The following MYO6 variants were observed in gnomAD, a reference collection of about 807,000 sequenced individuals.
MYO6 encodes the protein unconventional myosin-VI.
In MYO6, 74 loss-of-function variants were observed where a neutral mutation model predicts 178.7. The ratio of observed to expected loss-of-function variants is 0.41; its 90% CI spans 0.34 to 0.50. MYO6 has a LOEUF of 0.50. Among genes scored for constraint, MYO6 ranks in the 20% least tolerant of loss-of-function variants. The probability of loss-of-function intolerance (pLI) is 0.09; values close to 1 mark genes in which losing one functional copy is unlikely to be tolerated. For missense variants in MYO6, 1,330 were observed against 1,547.4 expected, an observed-to-expected ratio of 0.86 and a Z score of 2.36; for synonymous variants, 477 against 504.6, an observed-to-expected ratio of 0.95 and a Z score of 0.73.
chr6:75,849,137 C>A (rs924098631), intron 11 of MYO6, among the ~76,000 whole-genome samples: 1 of 152,116 alleles, frequency 6.6e-6, no homozygotes, highest in African/African-American at 2.4e-5. Flanking sequence ...TGAACCACAG[C>A]CCAAATTTGA....
chr6:75,829,056 A>G (rs2150207889), intron 4 of MYO6, among the ~76,000 whole-genome samples: 1 of 152,294 alleles, frequency 6.6e-6, no homozygotes, highest in East Asian at 1.9e-4. Flanking sequence ...GAATGAGGAA[A>G]AAAATGTAAA....
intron 2 of MYO6, among the ~76,000 whole-genome samples, chr6:75,819,065 T>G (rs906098899): frequency 6.6e-6 from 1 of 152,214 alleles, no homozygotes; most frequent in Non-Finnish European, 1.5e-5. Context: ...AGAAACTTGA[T>G]TTAAGTGGAT....
At position 75,867,039 on chromosome 6, in the gene MYO6, T is replaced by C. The variant is rs764502582; in HGVS notation, c.1878T>C (p.Asn626=). The change falls in exon 18 of 35, where the codon AAT becomes AAC. Residue 626 remains asparagine (N), a synonymous_variant. Transcript: ENST00000369977. ...GGGAATTATTTGAATCATCCACAAA[T>C]AACAACAAAGATACTAAACAAAAAG... ...FIRELFESST[N]NNKDTKQKAG... is the part of the protein sequence containing the mutation. The C allele has an allele frequency of 6.2e-7, 1 of 1,613,910 alleles. No homozygotes were observed. Among genetic ancestry groups the C allele is most frequent in the Non-Finnish European group, 8.5e-7 (1 of 1,179,894 alleles).
rs1781036357 is a variant in MYO6 at position 75,914,919 on chromosome 6, C to CT, written c.3766dup (p.Cys1256LeufsTer12). ...GACAGTTTGAAGAAATCTGGGAACG[C>CT]TGTGGAGGCATCCAGTACCTTCAGA... On this transcript the variant is annotated frameshift_variant, in exon 35 of 35. Transcript: ENST00000369977. LOFTEE classifies it high-confidence loss of function. 1.2e-6 allele frequency: 2 copies of CT among 1,613,992 alleles called. No individual in the cohort carries two copies. The highest frequency in any genetic ancestry group is 2.7e-5 in the African/African-American group (2 of 74,908).
intron 18 of MYO6, 146 bp downstream of exon 18, chr6:75,867,251 A>C: frequency 1.5e-6 from 1 of 664,738 alleles, no homozygotes; most frequent in Non-Finnish European, 2.5e-6. Context: ...TGTATGTAAA[A>C]TATCATAATG....
At position 75,899,736 on chromosome 6, in the gene MYO6, A is replaced by T. The variant is rs9689890; in HGVS notation, c.3176+1325A>T. ...TTTTTTTCTTCTGGAACATTTTTTT[A>T]AAAAAATTATTATTATACTTTAAGT... On this transcript the variant is annotated intron_variant, in intron 30 of 34. Coordinates refer to ENST00000369977, the MANE Select transcript of MYO6 (RefSeq NM_004999.4). Among the ~76,000 whole-genome samples the T allele has an allele frequency of 8.0e-4, 120 of 149,368 alleles. 1 individual carries two copies. Among genetic ancestry groups the T allele is most frequent in the African/African-American group, 2.0e-3 (80 of 40,204 alleles).
At chr6:75,840,382 C>T (rs934968830) in intron 7 of MYO6, among the ~76,000 whole-genome samples, 2 of 151,902 alleles carry the variant, frequency 1.3e-5, no homozygotes, top group African/African-American at 2.4e-5. Flanking sequence ...AGGTTGGTCT[C>T]GAACTCCTGA....
At chr6:75,842,006 T>C (rs907743882) in intron 9 of MYO6, among the ~76,000 whole-genome samples, 1 of 152,232 alleles carries the variant, frequency 6.6e-6, no homozygotes, top group Non-Finnish European at 1.5e-5. Flanking sequence ...CTTTGACTTA[T>C]CTGTAAAAAT....
chr6:75,767,655 A>G (rs978032574), intron 1 of MYO6, among the ~76,000 whole-genome samples: 2 of 151,126 alleles, frequency 1.3e-5, no homozygotes, highest in African/African-American at 4.9e-5. Flanking sequence ...AGTAACTGAG[A>G]CTACAGGTGC....
intron 1 of MYO6, among the ~76,000 whole-genome samples, chr6:75,805,018 TA>T (rs1368620109): frequency 7.5e-4 from 52 of 69,248 alleles, no homozygotes; most frequent in Middle Eastern, 5.2e-3. Flanking sequence ...TATATATATA[TA>T]TATTTTTTTT....
At chr6:75,790,806 G>A (rs1249448991) in intron 1 of MYO6, among the ~76,000 whole-genome samples, 2 of 152,146 alleles carry the variant, frequency 1.3e-5, no homozygotes, top group Admixed American at 6.5e-5. Flanking sequence ...GATAATTGGT[G>A]TATAAGTTTC....
At chr6:75,883,279 A>T (rs1778188125) in intron 23 of MYO6, among the ~76,000 whole-genome samples, 1 of 151,834 alleles carries the variant, frequency 6.6e-6, no homozygotes, top group African/African-American at 2.4e-5. Context: ...AGTTTGACAT[A>T]AAAAAAAGTG....
intron 1 of MYO6, among the ~76,000 whole-genome samples, chr6:75,787,901 A>G (rs1318056845): frequency 1.3e-5 from 2 of 150,250 alleles, no homozygotes; most frequent in Non-Finnish European, 3.0e-5. Context: ...CTGGGACTAC[A>G]GGTATGCACC....
At chr6:75,844,776 A>C (rs1774569661) in intron 9 of MYO6, 121 bp from the exon 10 acceptor site, 2 of 737,954 alleles carry the variant, frequency 2.7e-6, no homozygotes, top group Non-Finnish European at 4.8e-6. Context: ...GAGATTATAC[A>C]GTACTCAAGT....
At chr6:75,906,430 C>G (rs1041760557) in intron 30 of MYO6, among the ~76,000 whole-genome samples, 1 of 152,162 alleles carries the variant, frequency 6.6e-6, no homozygotes, top group Non-Finnish European at 1.5e-5. Context: ...AATCCCAGCA[C>G]TTTGGGAGGC....
At chr6:75,765,181 T>C (rs1259366558) in intron 1 of MYO6, among the ~76,000 whole-genome samples, 1 of 117,906 alleles carries the variant, frequency 8.5e-6, no homozygotes, top group African/African-American at 3.3e-5. Flanking sequence ...TTTTTTTTTT[T>C]TTTTTTTTTT....
Position 75,809,256 on chromosome 6 carries a change from C to T in MYO6, c.-47-8245C>T, listed in dbSNP as rs560340716. On this transcript the variant is annotated intron_variant, in intron 1 of 34. Coordinates refer to ENST00000369977, the MANE Select transcript of MYO6 (RefSeq NM_004999.4). ...CCTTGGCTTAGTGATGTTGGGGTTC[C>T]GAGATTTTTTTCCTTTCACAGGATT... is the stretch of plus-strand genomic sequence containing the variant. Among the ~76,000 whole-genome samples, 7 of 152,270 alleles carry T rather than the reference C, an allele frequency of 4.6e-5. No individual in the cohort carries two copies. In the East Asian group the frequency reaches 1.2e-3, roughly 25 times the overall value.
chr6:75,817,733 A>C, intron 2 of MYO6, 69 bp downstream of exon 2: 3 of 1,327,652 alleles, frequency 2.3e-6, no homozygotes, highest in Non-Finnish European at 3.3e-6. Context: ...CACAAGAGTA[A>C]GGTCTGTCTT....
At chr6:75,904,678 CTCCCG>C (rs1780122779) in intron 30 of MYO6, among the ~76,000 whole-genome samples, 1 of 152,100 alleles carries the variant, frequency 6.6e-6, no homozygotes, top group Non-Finnish European at 1.5e-5. Flanking sequence ...TTTGAATGTC[CTCCCG>C]TAGCTCGGAG....
Sources: allele counts gnomAD v4.1 joint callset (sites outside exome capture counted in the v4.1 genomes callset), GRCh38; gene constraint gnomAD v4.1.1; transcripts MANE v1.5; gene names NCBI Gene and HGNC (gene_info 2026-07-23, HGNC 2026-07-21).